Variants in GPC4 observed in about 807,000 individuals in gnomAD.
The protein encoded by GPC4 is glypican-4.
A neutral mutation model predicts 35.0 loss-of-function variants in GPC4; 10 were observed. The ratio of observed to expected loss-of-function variants is 0.29; its 90% CI spans 0.18 to 0.48. GPC4 has a LOEUF of 0.48. GPC4 is among the 20% of genes least tolerant of loss of function. The pLI, the probability that GPC4 is intolerant of heterozygous loss-of-function variation, is 0.99. For synonymous variants in GPC4, 167 were observed against 170.2 expected, an observed-to-expected ratio of 0.98 and a Z score of 0.15; for missense variants, 322 against 451.3, an observed-to-expected ratio of 0.71 and a Z score of 2.60.
chrX:133,354,520 A>C (rs1447324803), intron 1 of GPC4, among the ~76,000 whole-genome samples: 1 of 111,159 alleles, frequency 9.0e-6, no homozygotes, highest in East Asian at 2.8e-4. Context: ...TCACTGGATC[A>C]TAAACCATGC....
At chrX:133,365,787 A>T (rs1425568876) in intron 1 of GPC4, among the ~76,000 whole-genome samples, 1 of 112,570 alleles carries the variant, frequency 8.9e-6, no homozygotes, top group African/African-American at 3.2e-5. Flanking sequence ...TTTTGGTAGA[A>T]GAGGAAATAA....
At chrX:133,321,611 T>G (rs2068365009) in intron 3 of GPC4, among the ~76,000 whole-genome samples, 1 of 112,255 alleles carries the variant, frequency 8.9e-6, no homozygotes, top group Non-Finnish European at 1.9e-5. Flanking sequence ...GCCCTTTCAG[T>G]GGAGGATGAA....
At chrX:133,371,516 C>T (rs914200510) in intron 1 of GPC4, among the ~76,000 whole-genome samples, 2 of 111,631 alleles carry the variant, frequency 1.8e-5, no homozygotes, top group African/African-American at 6.5e-5. Flanking sequence ...ATCAGCAGCC[C>T]CCCTGCCCTG....
intron 1 of GPC4, among the ~76,000 whole-genome samples, chrX:133,391,271 T>C (rs1162567764): frequency 8.9e-6 from 1 of 111,997 alleles, no homozygotes; most frequent in African/African-American, 3.2e-5. Context: ...AAGCTTTCTC[T>C]GCCTCAGCAG....
At chrX:133,395,074 T>C (rs982878148) in intron 1 of GPC4, among the ~76,000 whole-genome samples, 6 of 111,427 alleles carry the variant, frequency 5.4e-5, no homozygotes, top group Non-Finnish European at 1.1e-4. Flanking sequence ...AAGCCCACAG[T>C]TCATTCACTG....
Position 133,415,046 on chromosome X carries a change from G to T in GPC4, c.-81C>A. On this transcript the variant is annotated 5_prime_UTR_variant, in exon 1 of 9. Transcript: ENST00000370828. ...TACGGCAGCGGGCCGAGGGCTGGCG[G>T]AGTCGGGGACTAGCGAGTGGAGCTG... The T allele has an allele frequency of 9.8e-7, 1 of 1,021,636 alleles. No homozygotes were observed. Among genetic ancestry groups the T allele is most frequent in the Non-Finnish European group, 1.3e-6 (1 of 748,486 alleles). 84.2% of individuals were successfully genotyped at this position (1,021,636 alleles called of 1,213,427 possible).
At chrX:133,322,771 C>T (rs1202859277) in intron 3 of GPC4, among the ~76,000 whole-genome samples, 1 of 112,338 alleles carries the variant, frequency 8.9e-6, no homozygotes, top group Non-Finnish European at 1.9e-5. Context: ...AACCAAATGG[C>T]CTCAGCAGAA....
intron 2 of GPC4, among the ~76,000 whole-genome samples, chrX:133,335,828 A>G (rs1301892085): frequency 8.9e-6 from 1 of 112,443 alleles, no homozygotes; most frequent in East Asian, 2.8e-4. Flanking sequence ...TATCTCATAG[A>G]CATAGACAGG....
chrX:133,405,310 T>C (rs904138030), intron 1 of GPC4, among the ~76,000 whole-genome samples: 1 of 110,929 alleles, frequency 9.0e-6, no homozygotes, highest in African/African-American at 3.3e-5. Context: ...GGTTTCTCCA[T>C]GTTGGTCAGG....
In GPC4 at chrX:133,415,380, C is replaced by T; in HGVS notation, c.-415G>A. Reference sequence around the variant, plus strand: ...TGGGCGGCGGCGGGCGTTCGCTGCGCGCTGCTTGGGCTGCCCTGCGCTGGT... The same window carrying T: ...TGGGCGGCGGCGGGCGTTCGCTGCGTGCTGCTTGGGCTGCCCTGCGCTGGT... On this transcript the variant is annotated 5_prime_UTR_variant, in exon 1 of 9. Transcript: ENST00000370828. The T allele has an allele frequency of 6.4e-6, 1 of 156,769 alleles. No homozygotes were observed. Among genetic ancestry groups the T allele is most frequent in the Non-Finnish European group, 1.2e-5 (1 of 83,544 alleles). 12.9% of individuals were successfully genotyped at this position (156,769 alleles called of 1,213,427 possible). A position where few individuals can be genotyped will look rare whatever the true frequency, so the allele number is the denominator to read the frequency against.
intron 2 of GPC4, among the ~76,000 whole-genome samples, chrX:133,327,046 T>C (rs1348899474): frequency 8.9e-6 from 1 of 112,809 alleles, no homozygotes; most frequent in Non-Finnish European, 1.9e-5. Flanking sequence ...TTGCCATCAT[T>C]GAGAACAATA....
At chrX:133,350,283 G>T (rs1308957498) in intron 1 of GPC4, among the ~76,000 whole-genome samples, 1 of 111,314 alleles carries the variant, frequency 9.0e-6, no homozygotes, top group East Asian at 2.8e-4. Context: ...AGCACTTTGG[G>T]AGGTCAAAGT....
chrX:133,306,605 T>C (rs959796168), intron 4 of GPC4, among the ~76,000 whole-genome samples: 22 of 112,106 alleles, frequency 2.0e-4, no homozygotes, highest in African/African-American at 7.1e-4. Flanking sequence ...GATGCTGGCA[T>C]ATTAATTCTT....
intron 2 of GPC4, among the ~76,000 whole-genome samples, chrX:133,325,115 T>TA (rs756931602): frequency 1.9e-4 from 21 of 111,330 alleles, no homozygotes; most frequent in Non-Finnish European, 3.8e-4. Context: ...CAAACACCCC[T>TA]ACAAGCAAGC....
intron 2 of GPC4, among the ~76,000 whole-genome samples, chrX:133,328,144 T>C (rs1301308321): frequency 9.0e-6 from 1 of 111,318 alleles, no homozygotes; most frequent in Non-Finnish European, 1.9e-5. Flanking sequence ...ATCTATAAAA[T>C]TGTTAATCCC....
intron 3 of GPC4, among the ~76,000 whole-genome samples, chrX:133,314,582 C>T (rs908128308): frequency 2.0e-4 from 22 of 110,734 alleles, no homozygotes; most frequent in African/African-American, 7.2e-4. Flanking sequence ...TAGGGAAACA[C>T]TAAATAATAC....
intron 1 of GPC4, chrX:133,414,418 T>C (rs2068828388): frequency 1.9e-5 from 12 of 631,052 alleles, no homozygotes; most frequent in Non-Finnish European, 2.2e-5. Context: ...GGGCGTCCTA[T>C]AAGGAGTTCA....
intron 1 of GPC4, among the ~76,000 whole-genome samples, chrX:133,412,300 G>A (rs1206077206): frequency 8.9e-6 from 1 of 112,083 alleles, no homozygotes; most frequent in South Asian, 3.7e-4. Context: ...TAAAGATTAC[G>A]CCTGTTTCTA....
intron 1 of GPC4, among the ~76,000 whole-genome samples, chrX:133,407,560 C>T (rs2068794688): frequency 8.9e-6 from 1 of 112,051 alleles, no homozygotes; most frequent in East Asian, 2.8e-4. Context: ...ATCAATCAGG[C>T]ATGGTTTACC....
Sources: gnomAD v4.1 joint callset for allele counts (sites outside exome capture counted in the v4.1 genomes callset) on GRCh38, gnomAD v4.1.1 for gene constraint, MANE v1.5 for transcripts, NCBI Gene and HGNC (gene_info 2026-07-23, HGNC 2026-07-21) for gene names.